Variants in EML6 observed in about 807,000 individuals in gnomAD.
The protein encoded by EML6 is EMAP like 6, also known as echinoderm microtubule-associated protein-like 6.
In EML6, 154 loss-of-function variants were observed where a neutral mutation model predicts 240.1. The observed-to-expected ratio is 0.64, with a 90% CI of 0.56 to 0.73. EML6 has a LOEUF of 0.73. Ranked by LOEUF, EML6 falls within the 30% of genes least tolerant of loss-of-function variation. EML6 has a pLI of 0.00. For synonymous variants in EML6, 1,148 were observed against 899.0 expected, an observed-to-expected ratio of 1.28 and a Z score of -4.95; for missense variants, 2,964 against 2,474.6, an observed-to-expected ratio of 1.20 and a Z score of -4.20.
chr2:54,920,870 A>C (rs190303779), intron 26 of EML6, among the ~76,000 whole-genome samples: 90 of 152,314 alleles, frequency 5.9e-4, no homozygotes, highest in African/African-American at 2.0e-3. Context: ...AAGTCAGTAA[A>C]TGTGATGTAC....
At chr2:54,801,116 T>C (rs1383083350) in intron 2 of EML6, among the ~76,000 whole-genome samples, 1 of 151,824 alleles carries the variant, frequency 6.6e-6, no homozygotes, top group Non-Finnish European at 1.5e-5. Flanking sequence ...GTCAGGAGAT[T>C]GAGACCATCC....
intron 25 of EML6, among the ~76,000 whole-genome samples, chr2:54,916,433 G>A (rs1294207054): frequency 6.6e-6 from 1 of 152,192 alleles, no homozygotes; most frequent in Non-Finnish European, 1.5e-5. Flanking sequence ...TGCTGGCGTT[G>A]GGGAATCTGG....
chr2:54,885,212 A>C (rs151254444), intron 17 of EML6, among the ~76,000 whole-genome samples: 2,003 of 152,190 alleles, frequency 0.013, 50 homozygotes, highest in African/African-American at 0.046. Context: ...TGGGAGGTTG[A>C]GGCGGGCGGA....
At chr2:54,879,419 A>G (rs1671700120) in intron 16 of EML6, 128 bp from the exon 17 acceptor site, 4 of 653,496 alleles carry the variant, frequency 6.1e-6, no homozygotes, top group Non-Finnish European at 1.1e-5. Flanking sequence ...AAGTCAGGGC[A>G]GCTATCACAT....
chr2:54,809,593 G>C (rs1275756271), intron 2 of EML6, among the ~76,000 whole-genome samples: 2 of 152,162 alleles, frequency 1.3e-5, no homozygotes, highest in African/African-American at 2.4e-5. Context: ...GGTAGAAAAG[G>C]ATGGACTTGG....
rs571270829 is a variant in EML6, at chr2:54,724,176, G to A, written c.-513-373G>A. Among the ~76,000 whole-genome samples the A allele has an allele frequency of 5.3e-5, 8 of 152,192 alleles. No homozygotes were observed. Among genetic ancestry groups the A allele is most frequent in the Non-Finnish European group, 1.0e-4 (7 of 68,022 alleles). ...AAGACAATCTTTCATGATGCGGATTGGAGTTGCTGATCAATGAGAGCTGCT... is the reference window on the plus strand; with the variant it reads ...AAGACAATCTTTCATGATGCGGATTAGAGTTGCTGATCAATGAGAGCTGCT... On this transcript the variant is annotated intron_variant, in intron 1 of 41. Transcript: ENST00000356458. The surrounding 1 kb of genome is among the most constrained non-coding windows in gnomAD (Gnocchi z 5.2).
At chr2:54,961,184 G>GTTGTTTTTTTTTTTTTTTTTTGTTT in intron 35 of EML6, among the ~76,000 whole-genome samples, 1 of 55,424 alleles carries the variant, frequency 1.8e-5, no homozygotes, top group African/African-American at 8.1e-5. Context: ...TCAGGAAGTA[G>GTTGTTTTTTTTTTTTTTTTTTGTTT]TTTTTTTTTT....
intron 5 of EML6, among the ~76,000 whole-genome samples, chr2:54,826,555 G>A (rs939374338): frequency 1.9e-4 from 29 of 152,116 alleles, no homozygotes; most frequent in African/African-American, 3.6e-4. Context: ...AGCCAAGATC[G>A]GGCCACTGCA....
At chr2:54,788,989 C>T (rs1669246121) in intron 2 of EML6, among the ~76,000 whole-genome samples, 3 of 152,278 alleles carry the variant, frequency 2.0e-5, no homozygotes, top group Non-Finnish European at 2.9e-5. Context: ...CACTTGCTTA[C>T]ATTTCTTAAT....
Position 54,956,018 on chromosome 2 carries a change from C to CGTGTGT in EML6, c.4487-1759_4487-1754dup, listed in dbSNP as rs35863783. Among the ~76,000 whole-genome samples, 46 of 150,292 alleles carry CGTGTGT rather than the reference C, an allele frequency of 3.1e-4. No homozygotes were observed. The East Asian group carries it at 5.1e-3, about 17-fold the overall frequency. ...TTTATTAGAGGATTGTTTTGGGGAA[C>CGTGTGT]GTGTGTGTGTGTGTGTGTAGGTAAA... On this transcript the variant is annotated intron_variant, in intron 32 of 41. Coordinates refer to ENST00000356458, the MANE Select transcript of EML6 (RefSeq NM_001039753.4).
chr2:54,784,144 C>A (rs1449538466), intron 2 of EML6, among the ~76,000 whole-genome samples: 1 of 151,962 alleles, frequency 6.6e-6, no homozygotes, highest in Non-Finnish European at 1.5e-5. Context: ...GGGGATCTTG[C>A]TATGTTGCCC....
Position 54,850,221 on chromosome 2 carries a change from A to G in EML6, c.1444+3A>G. On this transcript the variant is annotated splice_donor_region_variant and intron_variant, in intron 10 of 41. Coordinates refer to ENST00000356458, the MANE Select transcript of EML6 (RefSeq NM_001039753.4). ...ACGATTGTTCTACAGAATGCCATGT[A>G]AGTCATGTGGAGGCCTTGGATGTTT... 1 of 1,550,490 alleles carries G rather than the reference A, an allele frequency of 6.4e-7. No homozygotes were observed. The highest frequency in any genetic ancestry group is 8.7e-7 in the Non-Finnish European group (1 of 1,145,946).
chr2:54,872,457 G>A (rs578015301), intron 16 of EML6, among the ~76,000 whole-genome samples: 2 of 152,126 alleles, frequency 1.3e-5, no homozygotes, highest in East Asian at 3.9e-4. Context: ...CCCCGTTCAA[G>A]CCCTCACTCT....
intron 35 of EML6, among the ~76,000 whole-genome samples, chr2:54,960,844 G>C (rs934356994): frequency 6.6e-6 from 1 of 152,066 alleles, no homozygotes; most frequent in African/African-American, 2.4e-5. Flanking sequence ...ATGGATGTCC[G>C]GGCACCCACC....
intron 21 of EML6, among the ~76,000 whole-genome samples, chr2:54,897,713 C>CT (rs1672844638): frequency 1.3e-5 from 2 of 149,642 alleles, no homozygotes; most frequent in African/African-American, 4.9e-5. Context: ...TTTTCAGCAT[C>CT]TTTTTTTCGT....
At chr2:54,886,677 C>G (rs1672163705) in intron 17 of EML6, among the ~76,000 whole-genome samples, 1 of 152,130 alleles carries the variant, frequency 6.6e-6, no homozygotes, top group Non-Finnish European at 1.5e-5. Flanking sequence ...TTATGGTTTT[C>G]CTAATAGCTA....
chr2:54,967,169 C>T lies in EML6; in HGVS notation c.5597+66C>T, dbSNP rs1204895291. ...GGGAGTCTCTTGTCTCACTCAGGCT[C>T]AGCCTCCAAGTCTGTGCAGGATCTG... On this transcript the variant is annotated intron_variant, in intron 39 of 41. Transcript: ENST00000356458. The T allele has an allele frequency of 6.5e-6, 7 of 1,078,996 alleles. No homozygotes were observed. The Middle Eastern group carries it at 6.0e-4, about 92-fold the overall frequency. 66.8% of individuals were successfully genotyped at this position (1,078,996 alleles called of 1,614,324 possible).
At chr2:54,929,127 A>G (rs1674720117) in intron 28 of EML6, among the ~76,000 whole-genome samples, 1 of 152,194 alleles carries the variant, frequency 6.6e-6, no homozygotes, top group Admixed American at 6.5e-5. Context: ...TTCTGAGGTC[A>G]TGGAGGAATG....
At chr2:54,789,404 C>G (rs1380822996) in intron 2 of EML6, among the ~76,000 whole-genome samples, 1 of 150,318 alleles carries the variant, frequency 6.7e-6, no homozygotes, top group African/African-American at 2.4e-5. Flanking sequence ...GTCCCAGCTA[C>G]TCGGGAGGCT....
Sources: gnomAD v4.1 joint callset for allele counts (sites outside exome capture counted in the v4.1 genomes callset) on GRCh38, gnomAD v4.1.1 for gene constraint, Gnocchi (gnomAD v3.1) non-coding constraint, MANE v1.5 for transcripts, NCBI Gene and HGNC (gene_info 2026-07-23, HGNC 2026-07-21) for gene names.